The following OSR1 variants were observed in gnomAD, a reference collection of about 807,000 sequenced individuals.
The protein encoded by OSR1 is protein odd-skipped-related 1.
In OSR1, 3 loss-of-function variants were observed where a neutral mutation model predicts 15.7. That is an observed-to-expected ratio of 0.19 (90% CI 0.09 to 0.50). OSR1 has a LOEUF of 0.50. OSR1 is among the 20% of genes least tolerant of loss of function. The pLI is 0.97. For missense variants in OSR1, 271 were observed against 351.1 expected, an observed-to-expected ratio of 0.77 and a Z score of 1.82; for synonymous variants, 166 against 152.7, an observed-to-expected ratio of 1.09 and a Z score of -0.64.
intron 1 of OSR1, chr2:19,358,092 C>T (rs557942599): frequency 6.6e-6 from 1 of 152,292 alleles, no homozygotes; most frequent in Admixed American, 6.5e-5. Flanking sequence ...GCGGGCTGGC[C>T]GCAGTAGCGG....
Position 19,353,295 on chromosome 2 carries a change from T to G in OSR1, c.511A>C (p.Thr171Pro). 1.2e-6 allele frequency: 2 copies of G among 1,614,222 alleles called. No individual in the cohort carries two copies. The highest frequency in any genetic ancestry group is 1.7e-6 in the Non-Finnish European group (2 of 1,180,040). The change falls in exon 2 of 3, where the codon ACC (threonine) becomes CCC (proline). Residue 171 changes from threonine to proline, a missense_variant. Thr to Pro is a conservative substitution (Grantham distance 38, BLOSUM62 -1). Transcript: ENST00000272223. ...AACTTGCAGACGAATTCCTTCTTGGTCTTGGAAGGCAGACGTCCCCTTGTG... is the reference window on the plus strand; with the variant it reads ...AACTTGCAGACGAATTCCTTCTTGGGCTTGGAAGGCAGACGTCCCCTTGTG... ...KPTRGRLPSK[T>P]KKEFVCKFCG...
chr2:19,350,837 G>A (rs998128178), downstream of OSR1, among the ~76,000 whole-genome samples: 6 of 152,180 alleles, frequency 3.9e-5, no homozygotes, highest in African/African-American at 1.4e-4. Context: ...CTTTAAAATT[G>A]TAGGGAATCT....
chr2:19,348,973 C>T (rs1354206874), downstream of OSR1, among the ~76,000 whole-genome samples: 5 of 152,366 alleles, frequency 3.3e-5, no homozygotes, highest in Middle Eastern at 6.8e-3. Context: ...ACCTGGCCAG[C>T]ACCATCGGCC....
chr2:19,353,299 G>T lies in OSR1; in HGVS notation c.507C>A (p.Ser169=). The change falls in exon 2 of 3, where the codon TCC becomes TCA. Residue 169 remains serine, a synonymous_variant. Transcript: ENST00000272223. ...TGCAGACGAATTCCTTCTTGGTCTT[G>T]GAAGGCAGACGTCCCCTTGTGGGCT... The part of the protein sequence containing the change: ...EKKPTRGRLP[S]KTKKEFVCKF... The T allele has an allele frequency of 6.2e-7, 1 of 1,614,242 alleles. No individual in the cohort carries two copies. The highest frequency in any genetic ancestry group is 8.5e-7 in the Non-Finnish European group (1 of 1,180,048).
chr2:19,353,022 G>C (rs1441408983), intron 2 of OSR1, 119 bp downstream of exon 2: 3 of 1,259,248 alleles, frequency 2.4e-6, no homozygotes, highest in Admixed American at 2.4e-5. Flanking sequence ...TGATTTTAAA[G>C]AATTCCCTGA....
In OSR1 at chr2:19,353,491, T is replaced by C. The variant is rs1312795268; in HGVS notation, c.315A>G (p.Gly105=). The change falls in exon 2 of 3, where the codon GGA becomes GGG. Residue 105 remains glycine (G), a synonymous_variant. Transcript: ENST00000272223. ...TGGTCTTGAGCGCTGGAACGCTGCC[T>C]CCAGCGGTGATCTCGGGCTTGGGTT... ...VIQPKPEITA[G]GSVPALKTKP... The C allele has an allele frequency of 6.2e-7, 1 of 1,614,186 alleles. No individual in the cohort carries two copies. Among genetic ancestry groups the C allele is most frequent in the Admixed American group, 1.7e-5 (1 of 60,032 alleles).
downstream of OSR1, among the ~76,000 whole-genome samples, chr2:19,347,381 T>C (rs1664750273): frequency 6.6e-6 from 1 of 152,200 alleles, no homozygotes; most frequent in South Asian, 2.1e-4. Flanking sequence ...ACCCCCATTA[T>C]AGGAAGAAAA....
rs192365816 is a variant in OSR1, at chr2:19,357,798, C to G, written c.-33+543G>C. The G allele has an allele frequency of 6.6e-6, 1 of 152,430 alleles. No individual in the cohort carries two copies. The highest frequency in any genetic ancestry group is 2.4e-5 in the African/African-American group (1 of 41,580). 9.4% of individuals were successfully genotyped at this position (152,430 alleles called of 1,614,324 possible). On this transcript the variant is annotated intron_variant, in intron 1 of 2. Transcript: ENST00000272223. This position sits in a 1 kb window ranked among gnomAD's most constrained non-coding sequence, Gnocchi z 5.0. ...GGGTTCAGACTCGCAGCCCTGCGCT[C>G]TCGGGTCTAGGCGGCCTCATACTAG... is the stretch of plus-strand genomic sequence containing the variant.
At chr2:19,347,519 G>A (rs190057419), downstream of OSR1, among the ~76,000 whole-genome samples, 540 of 152,262 alleles carry the variant, frequency 3.5e-3, 6 homozygotes, top group African/African-American at 0.012. Context: ...ACTGACATGA[G>A]ATTTGTCTCC....
chr2:19,358,114 C>G (rs1414803559), intron 1 of OSR1, among the ~76,000 whole-genome samples: 2 of 152,252 alleles, frequency 1.3e-5, no homozygotes, highest in African/African-American at 2.4e-5. Context: ...GGCCCGCCCC[C>G]CTTAATCCCC....
downstream of OSR1, among the ~76,000 whole-genome samples, chr2:19,349,311 C>G (rs1031470494): frequency 1.3e-5 from 2 of 152,202 alleles, no homozygotes; most frequent in Admixed American, 1.3e-4. Flanking sequence ...CCTGTAGTTA[C>G]TGTTTCTGCA....
Position 19,353,521 on chromosome 2 carries a change from G to A in OSR1, c.285C>T (p.Val95=). 6.2e-7 allele frequency: 1 copy of A among 1,614,232 alleles called. No individual in the cohort carries two copies. The highest frequency in any genetic ancestry group is 8.5e-7 in the Non-Finnish European group (1 of 1,180,034). The part of the protein sequence containing the change: ...QLPAFPWFPH[V]IQPKPEITAG... The stretch of plus-strand genomic sequence containing the variant: ...CGGTGATCTCGGGCTTGGGTTGAAT[G>A]ACATGAGGGAACCAGGGAAAGGCGG... Residue 95 remains valine, a synonymous_variant, in exon 2 of 3, where the codon GTC becomes GTT. Coordinates refer to ENST00000272223, the MANE Select transcript of OSR1 (RefSeq NM_145260.3).
At chr2:19,355,812 G>T (rs536092545) in intron 1 of OSR1, 1 of 152,214 alleles carries the variant, frequency 6.6e-6, no homozygotes, top group African/African-American at 2.4e-5. Flanking sequence ...GGTCGTGCCC[G>T]GGACAAATTG....
rs1664982173 is a variant in OSR1, at chr2:19,357,885, T to C, written c.-33+456A>G. On this transcript the variant is annotated intron_variant, in intron 1 of 2. Coordinates refer to ENST00000272223, the MANE Select transcript of OSR1 (RefSeq NM_145260.3). The surrounding 1 kb of genome is among the most constrained non-coding windows in gnomAD (Gnocchi z 5.0). Reference sequence around the variant, plus strand: ...GCTACCGAGCTGGGGCATGCACCTGTCCCTGGCGCGGTCGGCTGCGGCTGT... The same window carrying C: ...GCTACCGAGCTGGGGCATGCACCTGCCCCTGGCGCGGTCGGCTGCGGCTGT... The C allele has an allele frequency of 6.6e-6, 1 of 152,354 alleles. No homozygotes were observed. Among genetic ancestry groups the C allele is most frequent in the Non-Finnish European group, 1.5e-5 (1 of 68,116 alleles). 9.4% of individuals were successfully genotyped at this position (152,354 alleles called of 1,614,324 possible).
At chr2:19,350,125 C>T (rs1664807686), downstream of OSR1, among the ~76,000 whole-genome samples, 2 of 152,212 alleles carry the variant, frequency 1.3e-5, no homozygotes, top group African/African-American at 2.4e-5. Context: ...TCCCTCAGAC[C>T]AGACCAGACT....
At position 19,352,429 on chromosome 2, in the gene OSR1, A is replaced by G; in HGVS notation, c.666-19T>C. The G allele has an allele frequency of 1.9e-6, 3 of 1,613,402 alleles. No individual in the cohort carries two copies. The highest frequency in any genetic ancestry group is 2.5e-6 in the Non-Finnish European group (3 of 1,179,560). ...AATATATCTGAGGGCAGAAACAGAG[A>G]GTTCATCCTTGCAAAATGATGCAAT... is the stretch of plus-strand genomic sequence containing the variant. On this transcript the variant is annotated intron_variant, in intron 2 of 2. Transcript: ENST00000272223.
intron 2 of OSR1, among the ~76,000 whole-genome samples, chr2:19,352,769 CT>C (rs1664866092): frequency 1.3e-5 from 2 of 152,144 alleles, no homozygotes; most frequent in African/African-American, 4.8e-5. Context: ...AGCATGTGTG[CT>C]TATTAAAATT....
At chr2:19,351,260 T>C (rs1402529894), downstream of OSR1, among the ~76,000 whole-genome samples, 6 of 152,116 alleles carry the variant, frequency 3.9e-5, no homozygotes, top group Non-Finnish European at 8.8e-5. Flanking sequence ...GCTGAGACCC[T>C]ATCCCTGAGG....
downstream of OSR1, chr2:19,348,622 A>C (rs13427470): frequency 0.011 from 1,735 of 154,388 alleles, 34 homozygotes; most frequent in African/African-American, 0.039. Flanking sequence ...CCAGAGCATC[A>C]CATTGCGTCC....
Sources: allele counts gnomAD v4.1 joint callset (sites outside exome capture counted in the v4.1 genomes callset), GRCh38; gene constraint gnomAD v4.1.1; non-coding constraint Gnocchi (gnomAD v3.1); transcripts MANE v1.5; gene names NCBI Gene and HGNC (gene_info 2026-07-23, HGNC 2026-07-21).